The following AGMO variants were observed in gnomAD, a reference collection of about 807,000 sequenced individuals.
The protein encoded by AGMO is alkylglycerol monooxygenase, also known as glyceryl-ether monooxygenase.
In AGMO, 75 loss-of-function variants were observed where a neutral mutation model predicts 60.2. The ratio of observed to expected loss-of-function variants is 1.25; its 90% CI spans 1.03 to 1.51. AGMO has a LOEUF of 1.51. AGMO is among the 40% of genes most tolerant of loss of function. AGMO has a pLI of 0.00. For missense variants in AGMO, 763 were observed against 525.5 expected (o/e 1.45, Z -4.42); for synonymous variants, 261 against 177.1 (o/e 1.47, Z -3.76).
At chr7:15,257,595 C>T (rs1158507721) in intron 12 of AGMO, among the ~76,000 whole-genome samples, 2 of 152,086 alleles carry the variant, frequency 1.3e-5, no homozygotes, top group Non-Finnish European at 2.9e-5. Flanking sequence ...AATACAATTG[C>T]CTTGGGGCAA....
intron 12 of AGMO, among the ~76,000 whole-genome samples, chr7:15,294,930 G>A (rs930670861): frequency 2.0e-5 from 3 of 150,424 alleles, no homozygotes; most frequent in Admixed American, 6.7e-5. Context: ...TAACTTCCAC[G>A]TCATAAACCT....
At chr7:15,133,822 G>T in the AGMO span, among the ~76,000 whole-genome samples, 2 of 152,110 alleles carry the variant, frequency 1.3e-5, no homozygotes, top group African/African-American at 4.8e-5. Flanking sequence ...CAGCTGTTCT[G>T]CCAGCCAAGT....
In AGMO at chr7:15,385,112, T is replaced by C. The variant is rs971173022; in HGVS notation, c.1074+334A>G. On this transcript the variant is annotated intron_variant, in intron 10 of 12. Transcript: ENST00000342526. ...TAAGTATGTTGAAACTGATGAAAAG[T>C]GTAATTTCCCACACATTTAATTCTG... 2.0e-5 allele frequency among the ~76,000 whole-genome samples: 3 copies of C among 152,178 alleles called. No individual in the cohort carries two copies. The South Asian group carries it at 6.2e-4, about 32-fold the overall frequency.
At chr7:15,526,249 T>C (rs1248720570) in intron 3 of AGMO, among the ~76,000 whole-genome samples, 22 of 152,212 alleles carry the variant, frequency 1.4e-4, no homozygotes, top group Admixed American at 1.4e-3. Flanking sequence ...TCCTGCATCA[T>C]TTTGATACCA....
intron 10 of AGMO, among the ~76,000 whole-genome samples, chr7:15,371,222 TTTTA>T (rs906658407): frequency 7.2e-4 from 110 of 152,126 alleles, no homozygotes; most frequent in African/African-American, 2.6e-3. Flanking sequence ...AATAACAATG[TTTTA>T]TTTTATTTTT....
intron 12 of AGMO, among the ~76,000 whole-genome samples, chr7:15,214,730 G>A (rs914437944): frequency 6.6e-5 from 10 of 151,994 alleles, no homozygotes; most frequent in African/African-American, 2.4e-4. Flanking sequence ...TTTAAAGGAT[G>A]TGGTTGCTTT....
intron 12 of AGMO, among the ~76,000 whole-genome samples, chr7:15,215,072 T>G (rs1037241793): frequency 6.6e-6 from 1 of 152,052 alleles, no homozygotes; most frequent in Non-Finnish European, 1.5e-5. Flanking sequence ...GACCTTCTGT[T>G]ATAAGTAGAG....
At chr7:15,218,753 C>G (rs1781824912) in intron 12 of AGMO, among the ~76,000 whole-genome samples, 1 of 151,792 alleles carries the variant, frequency 6.6e-6, no homozygotes, top group African/African-American at 2.4e-5. Context: ...CAGATCAGAC[C>G]CGAGGTGGCA....
At chr7:15,458,675 T>A (rs977530897) in intron 3 of AGMO, among the ~76,000 whole-genome samples, 1 of 152,174 alleles carries the variant, frequency 6.6e-6, no homozygotes, top group African/African-American at 2.4e-5. Flanking sequence ...TTCACATACA[T>A]CGCCACCTTT....
At chr7:15,414,299 G>T (rs776120674) in intron 5 of AGMO, among the ~76,000 whole-genome samples, 18 of 152,162 alleles carry the variant, frequency 1.2e-4, no homozygotes, top group Admixed American at 3.9e-4. Context: ...GCACCCGGCC[G>T]TATTTTGGGA....
chr7:15,117,235 C>A, the AGMO span, among the ~76,000 whole-genome samples: 3 of 151,844 alleles, frequency 2.0e-5, no homozygotes, highest in Non-Finnish European at 4.4e-5. Context: ...AAACATACAG[C>A]CACAGAAATC....
chr7:15,397,436 C>A (rs1429521751), intron 5 of AGMO, among the ~76,000 whole-genome samples: 1 of 152,114 alleles, frequency 6.6e-6, no homozygotes, highest in East Asian at 1.9e-4. Context: ...CTCGGCCAGC[C>A]CCACAGAGGG....
chr7:15,150,598 G>A, the AGMO span, among the ~76,000 whole-genome samples: 10 of 151,986 alleles, frequency 6.6e-5, no homozygotes, highest in African/African-American at 2.4e-4. Context: ...ATGTGATGAA[G>A]CACATTTATT....
chr7:15,201,135 G>A lies in AGMO; in HGVS notation c.*150C>T. 4.1e-6 allele frequency: 2 copies of A among 491,684 alleles called. No individual in the cohort carries two copies. The highest frequency in any genetic ancestry group is 6.8e-6 in the Non-Finnish European group (2 of 295,738). 30.5% of individuals were successfully genotyped at this position (491,684 alleles called of 1,614,324 possible). A position where few individuals can be genotyped will look rare whatever the true frequency, so the allele number is the denominator to read the frequency against. On this transcript the variant is annotated 3_prime_UTR_variant, in exon 13 of 13. Coordinates refer to ENST00000342526, the MANE Select transcript of AGMO (RefSeq NM_001004320.2). ...ATTTTTAATAGAAAATAACAAATGT[G>A]AAAGGCAAACAATAGTAAATAAGTA... is the stretch of plus-strand genomic sequence containing the variant.
chr7:15,218,913 A>G (rs1781831226), intron 12 of AGMO, among the ~76,000 whole-genome samples: 1 of 152,200 alleles, frequency 6.6e-6, no homozygotes. Context: ...TCAGTGCTAG[A>G]CTGAATAAGG....
rs1341559912 is a variant in AGMO at position 15,213,760 on chromosome 7, G to T, written c.1264-12401C>A. Among the ~76,000 whole-genome samples, 4 of 152,004 alleles carry T rather than the reference G, an allele frequency of 2.6e-5. No homozygotes were observed. The South Asian group carries it at 6.2e-4, about 24-fold the overall frequency. On this transcript the variant is annotated intron_variant, in intron 12 of 12. Coordinates refer to ENST00000342526, the MANE Select transcript of AGMO (RefSeq NM_001004320.2). The stretch of plus-strand genomic sequence containing the variant: ...TTTTACAAAGTTAGGATAGACAAAA[G>T]TATATCCTAATAACTTAGTGGATAT...
intron 12 of AGMO, among the ~76,000 whole-genome samples, chr7:15,219,809 G>T (rs532936493): frequency 6.6e-6 from 1 of 152,060 alleles, no homozygotes; most frequent in Non-Finnish European, 1.5e-5. Flanking sequence ...GATTTGAGGG[G>T]ATTACACTGT....
At chr7:15,258,470 G>A (rs981831681) in intron 12 of AGMO, among the ~76,000 whole-genome samples, 28 of 151,906 alleles carry the variant, frequency 1.8e-4, no homozygotes, top group Admixed American at 6.6e-4. Context: ...ACTTTAATCC[G>A]GGAGGCGGAG....
chr7:15,428,002 A>G (rs1238130665), intron 4 of AGMO, among the ~76,000 whole-genome samples: 1 of 152,218 alleles, frequency 6.6e-6, no homozygotes, highest in Non-Finnish European at 1.5e-5. Flanking sequence ...TCACATTTCA[A>G]TGTGAAATGA....
Sources: gnomAD v4.1 joint callset for allele counts (sites outside exome capture counted in the v4.1 genomes callset) on GRCh38, gnomAD v4.1.1 for gene constraint, MANE v1.5 for transcripts, NCBI Gene and HGNC (gene_info 2026-07-23, HGNC 2026-07-21) for gene names.